Variants in TMEM131 observed in about 807,000 individuals in gnomAD.
TMEM131 encodes the protein transmembrane protein 131.
A neutral mutation model predicts 211.6 loss-of-function variants in TMEM131; 66 were observed. The ratio of observed to expected loss-of-function variants is 0.31; its 90% CI spans 0.26 to 0.38. TMEM131 has a LOEUF of 0.38. Ranked by LOEUF, TMEM131 falls within the 10% of genes least tolerant of loss-of-function variation. The pLI, the probability that TMEM131 is intolerant of heterozygous loss-of-function variation, is 1.00. For missense variants in TMEM131, 2,036 were observed against 2,299.3 expected (o/e 0.89, Z 2.34); for synonymous variants, 844 against 841.3 (o/e 1.00, Z -0.06).
chr2:97,873,954 CA>C (rs1247355937), intron 4 of TMEM131, among the ~76,000 whole-genome samples: 1 of 151,996 alleles, frequency 6.6e-6, no homozygotes, highest in African/African-American at 2.4e-5. Flanking sequence ...TAATCCAATG[CA>C]AGGAAGCCAA....
At chr2:97,982,878 CAG>C (rs1436183918) in intron 1 of TMEM131, among the ~76,000 whole-genome samples, 2 of 152,158 alleles carry the variant, frequency 1.3e-5, no homozygotes, top group Non-Finnish European at 2.9e-5. Context: ...CTAAAAAAGA[CAG>C]AAAAAGATTC....
intron 5 of TMEM131, among the ~76,000 whole-genome samples, chr2:97,846,273 A>G (rs1206377515): frequency 6.6e-6 from 1 of 152,236 alleles, no homozygotes; most frequent in African/African-American, 2.4e-5. Context: ...ATCCTTCGTA[A>G]ACATAGAAAC....
At chr2:97,777,711 A>C (rs1054943405) in intron 31 of TMEM131, among the ~76,000 whole-genome samples, 1 of 152,230 alleles carries the variant, frequency 6.6e-6, no homozygotes, top group Non-Finnish European at 1.5e-5. Flanking sequence ...GTAAGTCTCA[A>C]AAATTGAAGG....
rs1307282939 is a variant in TMEM131 at position 97,772,279 on chromosome 2, T to C, written c.4448+18A>G. On this transcript the variant is annotated intron_variant, in intron 33 of 40. Coordinates refer to ENST00000186436, the MANE Select transcript of TMEM131 (RefSeq NM_015348.2). Reference sequence around the variant, plus strand: ...CTTCTTTATAGACCTTATTTCTCTGTACACTTATTTCTCTCACCTGGGTTT... The same window carrying C: ...CTTCTTTATAGACCTTATTTCTCTGCACACTTATTTCTCTCACCTGGGTTT... 6.3e-7 allele frequency: 1 copy of C among 1,594,598 alleles called. No homozygotes were observed. The highest frequency in any genetic ancestry group is 1.2e-5 in the South Asian group (1 of 86,038).
At chr2:97,809,925 T>G (rs893902154) in intron 18 of TMEM131, among the ~76,000 whole-genome samples, 151 bp from the exon 19 acceptor site, 13 of 152,188 alleles carry the variant, frequency 8.5e-5, no homozygotes, top group South Asian at 2.1e-4. Context: ...CCATAGATAC[T>G]GTTTAATCTG....
intron 3 of TMEM131, among the ~76,000 whole-genome samples, chr2:97,905,237 C>T (rs568635755): frequency 7.2e-5 from 11 of 152,162 alleles, no homozygotes; most frequent in South Asian, 4.2e-4. Flanking sequence ...TTTAGATTAG[C>T]GATTTTTTCT....
Position 97,795,064 on chromosome 2 carries a change from T to C in TMEM131, c.3252A>G (p.Ile1084Met), listed in dbSNP as rs749797236. Residue 1084 changes from isoleucine (I) to methionine (M), a missense_variant, in exon 29 of 41, where the codon ATA becomes ATG. Physicochemically the swap from Ile to Met is conservative, Grantham distance 10 (BLOSUM62 1). This residue lies in a region of TMEM131 where 1,623 missense variants were observed against 1,805.9 expected (regional missense o/e 0.90). Transcript: ENST00000186436. ...ASRVIRELKF[I>M]TTSGSEFVFI... ...ATACAAACTCAGAGCCACTGGTTGT[T>C]ATAAACTTCAGTTCCCGAATAACTC... The C allele has an allele frequency of 2.5e-6, 4 of 1,613,926 alleles. No individual in the cohort carries two copies. The highest frequency in any genetic ancestry group is 3.4e-6 in the Non-Finnish European group (4 of 1,179,826).
At chr2:97,864,295 A>G (rs560869037) in intron 4 of TMEM131, among the ~76,000 whole-genome samples, 3 of 152,176 alleles carry the variant, frequency 2.0e-5, no homozygotes, top group African/African-American at 7.2e-5. Context: ...GAAAGTATGG[A>G]TAAGACCTAG....
chr2:97,877,013 G>A (rs1487083371), intron 4 of TMEM131, among the ~76,000 whole-genome samples: 2 of 152,134 alleles, frequency 1.3e-5, no homozygotes, highest in African/African-American at 4.8e-5. Context: ...AAAGTCTCAG[G>A]ATACAAAATC....
intron 5 of TMEM131, among the ~76,000 whole-genome samples, chr2:97,851,176 T>G (rs774416277): frequency 5.9e-5 from 9 of 152,020 alleles, no homozygotes; most frequent in Non-Finnish European, 8.8e-5. Flanking sequence ...CTCCTAAATT[T>G]CTATTTCTAG....
intron 25 of TMEM131, among the ~76,000 whole-genome samples, chr2:97,801,594 T>C (rs1040169892): frequency 4.6e-5 from 7 of 152,222 alleles, no homozygotes; most frequent in Non-Finnish European, 7.3e-5. Context: ...CAATGATGTA[T>C]TAATATTTAC....
At chr2:97,875,134 G>C (rs544704377) in intron 4 of TMEM131, among the ~76,000 whole-genome samples, 1 of 152,148 alleles carries the variant, frequency 6.6e-6, no homozygotes, top group African/African-American at 2.4e-5. Context: ...ATTATATAAT[G>C]GTAAAGGGAT....
At chr2:97,765,803 A>G (rs1679133686) in intron 35 of TMEM131, among the ~76,000 whole-genome samples, 1 of 152,208 alleles carries the variant, frequency 6.6e-6, no homozygotes, top group African/African-American at 2.4e-5. Context: ...TCTTTAGAAG[A>G]TTAACCACTC....
At chr2:97,935,873 A>G (rs1204119282) in intron 1 of TMEM131, among the ~76,000 whole-genome samples, 2 of 152,232 alleles carry the variant, frequency 1.3e-5, no homozygotes, top group Admixed American at 6.5e-5. Context: ...GAACAGTGAA[A>G]TATGTGGCAT....
chr2:97,929,990 A>G (rs1223719385), intron 1 of TMEM131, among the ~76,000 whole-genome samples: 1 of 151,810 alleles, frequency 6.6e-6, no homozygotes, highest in African/African-American at 2.4e-5. Flanking sequence ...TATGAATATA[A>G]AAGGCTCTGC....
At chr2:97,923,791 TAA>T (rs1271086100) in intron 2 of TMEM131, among the ~76,000 whole-genome samples, 1 of 151,980 alleles carries the variant, frequency 6.6e-6, no homozygotes, top group Non-Finnish European at 1.5e-5. Context: ...TATCTTCATA[TAA>T]AAAAGTTAGA....
At chr2:97,766,830 C>G (rs1679190873) in intron 33 of TMEM131, among the ~76,000 whole-genome samples, 1 of 152,146 alleles carries the variant, frequency 6.6e-6, no homozygotes, top group African/African-American at 2.4e-5. Context: ...CTTTGCTATT[C>G]CAAGTGCTGA....
chr2:97,899,798 A>G (rs1675772759), intron 3 of TMEM131, among the ~76,000 whole-genome samples: 1 of 152,146 alleles, frequency 6.6e-6, no homozygotes, highest in South Asian at 2.1e-4. Context: ...TATATTTATG[A>G]TGTACAACAT....
chr2:97,776,754 C>T (rs1679753973), intron 31 of TMEM131, among the ~76,000 whole-genome samples: 1 of 152,348 alleles, frequency 6.6e-6, no homozygotes, highest in Admixed American at 6.5e-5. Context: ...CACTCAAGTG[C>T]TTCCCTTTAG....
Sources: gnomAD v4.1 joint callset for allele counts (sites outside exome capture counted in the v4.1 genomes callset) on GRCh38, gnomAD v4.1.1 for gene constraint, gnomAD v4.1.1 regional missense constraint, MANE v1.5 for transcripts, NCBI Gene and HGNC (gene_info 2026-07-23, HGNC 2026-07-21) for gene names.